The following EZR variants were observed in gnomAD, a reference collection of about 807,000 sequenced individuals.
The protein encoded by EZR is ezrin.
In EZR, 40 loss-of-function variants were observed where a neutral mutation model predicts 74.8. That is an observed-to-expected ratio of 0.53 (90% CI 0.42 to 0.70). The LOEUF is 0.70. Ranked by LOEUF, EZR falls within the 30% of genes least tolerant of loss-of-function variation. The pLI is 0.00. For synonymous variants in EZR, 341 were observed against 283.3 expected (o/e 1.20, Z -2.05); for missense variants, 678 against 755.8 (o/e 0.90, Z 1.21).
intron 2 of EZR, among the ~76,000 whole-genome samples, chr6:158,809,852 T>C (rs1319218963): frequency 6.6e-6 from 1 of 152,202 alleles, no homozygotes; most frequent in Non-Finnish European, 1.5e-5. Flanking sequence ...TTTAAAATCC[T>C]TCAAAAATAT....
At chr6:158,778,919 C>T (rs1053213333) in intron 7 of EZR, among the ~76,000 whole-genome samples, 1 of 152,070 alleles carries the variant, frequency 6.6e-6, no homozygotes, top group Non-Finnish European at 1.5e-5. Flanking sequence ...AATTAATACA[C>T]GTAAAAAGTT....
chr6:158,789,119 T>G (rs1449724393), intron 3 of EZR, among the ~76,000 whole-genome samples, 169 bp downstream of exon 3: 1 of 152,264 alleles, frequency 6.6e-6, no homozygotes, highest in African/African-American at 2.4e-5. Flanking sequence ...TGTCTGTTAA[T>G]GCATTTTATA....
chr6:158,813,172 ACT>A (rs1777483219), intron 2 of EZR, among the ~76,000 whole-genome samples: 1 of 151,934 alleles, frequency 6.6e-6, no homozygotes, highest in Non-Finnish European at 1.5e-5. Context: ...GAAACCCCAA[ACT>A]CACACTACTT....
chr6:158,798,456 A>G (rs1777119288), intron 2 of EZR, among the ~76,000 whole-genome samples: 1 of 152,204 alleles, frequency 6.6e-6, no homozygotes, highest in Admixed American at 6.5e-5. Context: ...TGACACCAAC[A>G]CAGTAGCGGC....
rs1213874372 is a variant in EZR, at chr6:158,783,682, G to A, written c.552-16C>T. 1.4e-5 allele frequency: 22 copies of A among 1,611,822 alleles called. No homozygotes were observed. The highest frequency in any genetic ancestry group is 1.8e-5 in the Non-Finnish European group (21 of 1,178,858). ...AGCATTATCTCTAATTGGGGAGAGT[G>A]AAACAGGCAGAGTCACTGGTAGCAC... On this transcript the variant is annotated splice_polypyrimidine_tract_variant and intron_variant, in intron 6 of 13. Coordinates refer to ENST00000367075, the MANE Select transcript of EZR (RefSeq NM_001111077.2).
chr6:158,783,776 A>C, intron 6 of EZR, 110 bp from the exon 7 acceptor site: 2 of 1,209,464 alleles, frequency 1.7e-6, no homozygotes, highest in Non-Finnish European at 2.3e-6. Flanking sequence ...GATGGGCTCA[A>C]TGCTGTGTGC....
At chr6:158,773,438 T>TA (rs1433222398) in intron 8 of EZR, among the ~76,000 whole-genome samples, 1 of 152,206 alleles carries the variant, frequency 6.6e-6, no homozygotes, top group Non-Finnish European at 1.5e-5. Flanking sequence ...TCCAAGTCCC[T>TA]AACCTGATGC....
At chr6:158,779,014 TC>T (rs911489706) in intron 7 of EZR, among the ~76,000 whole-genome samples, 6 of 152,062 alleles carry the variant, frequency 3.9e-5, no homozygotes, top group African/African-American at 1.4e-4. Flanking sequence ...TAAAATTATC[TC>T]CCCCAAATAT....
chr6:158,787,034 T>G, intron 4 of EZR, 74 bp downstream of exon 4: 1 of 1,190,440 alleles, frequency 8.4e-7, no homozygotes, highest in East Asian at 2.4e-5. Flanking sequence ...ACAGGGTGAG[T>G]TGCTCCAGTT....
At position 158,767,529 on chromosome 6, in the gene EZR, A is replaced by G. The variant is rs750908260; in HGVS notation, c.1345-17T>C. 1 of 1,557,202 alleles carries G rather than the reference A, an allele frequency of 6.4e-7. No homozygotes were observed. Among genetic ancestry groups the G allele is most frequent in the Non-Finnish European group, 8.7e-7 (1 of 1,152,132 alleles). On this transcript the variant is annotated splice_polypyrimidine_tract_variant and intron_variant, in intron 12 of 13. Transcript: ENST00000367075. ...TTCTTTGGCCTTTGGAAAGCAAATTAATAAGAGGACTTCTCACCCAGAAGT... is the reference window on the plus strand; with the variant it reads ...TTCTTTGGCCTTTGGAAAGCAAATTGATAAGAGGACTTCTCACCCAGAAGT...
chr6:158,795,244 T>G (rs1210009863), intron 2 of EZR, among the ~76,000 whole-genome samples: 1 of 151,906 alleles, frequency 6.6e-6, no homozygotes, highest in Non-Finnish European at 1.5e-5. Context: ...AGGGTGAGAC[T>G]CCATCGCAAA....
chr6:158,817,239 C>T (rs1777577308), intron 2 of EZR, among the ~76,000 whole-genome samples: 1 of 152,112 alleles, frequency 6.6e-6, no homozygotes, highest in Admixed American at 6.5e-5. Flanking sequence ...TTAAACCTTC[C>T]CCCTAATGTC....
intron 6 of EZR, 59 bp downstream of exon 6, chr6:158,784,585 A>G (rs1164739729): frequency 6.8e-7 from 1 of 1,466,110 alleles, no homozygotes; most frequent in Admixed American, 1.7e-5. Context: ...AGTCACAGGA[A>G]AAGACATGCT....
Position 158,766,994 on chromosome 6 carries a change from C to T in EZR, c.1681G>A (p.Gly561Ser). The change falls in exon 14 of 14, where the codon GGC (glycine) becomes AGC (serine). Residue 561 changes from glycine to serine, a missense_variant. By Grantham distance (56) the Gly-to-Ser change is moderately conservative. Around this residue, in one of 3 missense-constraint regions of EZR, gnomAD observed 342 missense variants for 341.2 expected, o/e 1.00. Transcript: ENST00000367075. ...CGCAGCGTCTTGTACTTGTCCCGGC[C>T]TTGCCTCATGTTCTCGTTGTGGATG... is the stretch of plus-strand genomic sequence containing the variant. ...DIIHNENMRQ[G>S]RDKYKTLRQI... The T allele has an allele frequency of 6.2e-7, 1 of 1,614,244 alleles. No homozygotes were observed. The highest frequency in any genetic ancestry group is 8.5e-7 in the Non-Finnish European group (1 of 1,180,056).
intron 12 of EZR, 24 bp from the exon 13 acceptor site, chr6:158,767,536 G>T: frequency 6.4e-7 from 1 of 1,551,562 alleles, no homozygotes; most frequent in South Asian, 1.2e-5. Context: ...ATTAATAAGA[G>T]GACTTCTCAC....
intron 6 of EZR, 103 bp downstream of exon 6, chr6:158,784,541 G>A: frequency 9.8e-7 from 1 of 1,018,316 alleles, no homozygotes; most frequent in Non-Finnish European, 1.5e-6. Flanking sequence ...GTCTTCACAA[G>A]GCCTGACACA....
intron 7 of EZR, among the ~76,000 whole-genome samples, chr6:158,782,674 C>T (rs778901264): frequency 3.0e-4 from 45 of 152,216 alleles, no homozygotes; most frequent in Non-Finnish European, 5.4e-4. Flanking sequence ...GGGAGCCCTG[C>T]AGAGCAATCA....
chr6:158,769,535 C>T (rs1791029659), intron 11 of EZR, 117 bp from the exon 12 acceptor site: 1 of 1,099,928 alleles, frequency 9.1e-7, no homozygotes, highest in Non-Finnish European at 1.3e-6. Flanking sequence ...TGAGTCCCCG[C>T]CACCCCCACT....
chr6:158,796,199 A>C (rs1259320731), intron 2 of EZR, among the ~76,000 whole-genome samples: 1 of 152,218 alleles, frequency 6.6e-6, no homozygotes, highest in East Asian at 1.9e-4. Context: ...GAGAAGGGAC[A>C]ACACACCTGT....
Sources: gnomAD v4.1 joint callset for allele counts (sites outside exome capture counted in the v4.1 genomes callset) on GRCh38, gnomAD v4.1.1 for gene constraint, gnomAD v4.1.1 regional missense constraint, MANE v1.5 for transcripts, NCBI Gene and HGNC (gene_info 2026-07-23, HGNC 2026-07-21) for gene names.